NSMCE1: variants seen among roughly 807,000 people sequenced by gnomAD.
NSMCE1 encodes the protein non-structural maintenance of chromosomes element 1 homolog.
NSMCE1 carries 18 observed loss-of-function variants against 29.6 expected under a neutral mutation model. That is an observed-to-expected ratio of 0.61 (90% confidence interval 0.42 to 0.90). The LOEUF is 0.90. Ranked by LOEUF, NSMCE1 falls within the 40% of genes least tolerant of loss-of-function variation. NSMCE1 has a pLI of 0.00. For missense variants in NSMCE1, 314 were observed against 343.6 expected, an observed-to-expected ratio of 0.91 and a Z score of 0.68; for synonymous variants, 124 against 133.4, an observed-to-expected ratio of 0.93 and a Z score of 0.49.
chr16:27,259,395 A>G (rs953821812), intron 1 of NSMCE1, among the ~76,000 whole-genome samples: 4 of 151,964 alleles, frequency 2.6e-5, no homozygotes, highest in African/African-American at 9.7e-5. Context: ...TGTACTTAGC[A>G]CCCCCGTATT....
intron 1 of NSMCE1, among the ~76,000 whole-genome samples, chr16:27,262,163 G>A (rs1297470208): frequency 6.6e-6 from 1 of 151,182 alleles, no homozygotes; most frequent in Non-Finnish European, 1.5e-5. Context: ...AGAATCGCTT[G>A]AACCTGGGAG....
Position 27,225,212 on chromosome 16 carries a change from C to CT in NSMCE1, c.745dup (p.Arg249LysfsTer25). ...GTTCGATTTCAAGACACCAGACTCC[C>CT]TCTCCTTCTCAGGGTCGAAGACTTC... On this transcript the variant is annotated frameshift_variant, in exon 8 of 8. Transcript: ENST00000361439. LOFTEE classifies it high-confidence loss of function. The CT allele has an allele frequency of 1.2e-6, 2 of 1,606,996 alleles. No homozygotes were observed. The highest frequency in any genetic ancestry group is 1.7e-6 in the Non-Finnish European group (2 of 1,175,724).
chr16:27,261,413 GACAAATATC>G lies in NSMCE1; in HGVS notation c.-11-3841_-11-3833del, dbSNP rs1567285270. Among the ~76,000 whole-genome samples, 3 of 151,534 alleles carry G rather than the reference GACAAATATC, an allele frequency of 2.0e-5. No homozygotes were observed. The East Asian group carries it at 5.8e-4, about 29-fold the overall frequency. On this transcript the variant is annotated intron_variant, in intron 1 of 7. Coordinates refer to ENST00000361439, the MANE Select transcript of NSMCE1 (RefSeq NM_145080.4). ...AAAAAAGGAAATTAACTGCAAATGA[GACAAATATC>G]TGCAATTAACATACTTAAAAATATT... is the stretch of plus-strand genomic sequence containing the variant.
chr16:27,226,124 C>T (rs904702833), intron 6 of NSMCE1: 1 of 320,844 alleles, frequency 3.1e-6, no homozygotes. Context: ...CTGCAGGTGG[C>T]GTGTGGACAG....
At chr16:27,231,709 G>A (rs1030649971) in intron 5 of NSMCE1, among the ~76,000 whole-genome samples, 1 of 151,984 alleles carries the variant, frequency 6.6e-6, no homozygotes, top group African/African-American at 2.4e-5. Context: ...AACCTGAGTA[G>A]CCCTAGAACA....
intron 2 of NSMCE1, among the ~76,000 whole-genome samples, chr16:27,235,706 A>C (rs1225995005): frequency 6.6e-6 from 1 of 152,146 alleles, no homozygotes; most frequent in African/African-American, 2.4e-5. Flanking sequence ...TCGCATCCCC[A>C]GTGCCCCGCG....
At chr16:27,249,617 T>G (rs1025059707) in intron 2 of NSMCE1, among the ~76,000 whole-genome samples, 11 of 152,334 alleles carry the variant, frequency 7.2e-5, no homozygotes, top group South Asian at 4.1e-4. Flanking sequence ...CTTATTTTTT[T>G]CCCTTCATCT....
chr16:27,251,165 T>TATATATATATATATATATATATATAA (rs1329863008), intron 2 of NSMCE1, among the ~76,000 whole-genome samples: 1 of 63,096 alleles, frequency 1.6e-5, no homozygotes, highest in African/African-American at 1.9e-4. Context: ...TTAAAATATA[T>TATATATATATATATATATATATATAA]ATATATATAT....
rs781088321 is a variant in NSMCE1, at chr16:27,234,188, A to G, written c.336T>C (p.Ala112=). The part of the protein sequence containing the change: ...AENELDLFRK[A]LELIIDSETG... ...GGGCAATGGGGATTACTCTACTTAC[A>G]GCCTTTCTAAACAAATCCAGTTCAT... The change falls in exon 4 of 8, where the codon GCT becomes GCC. Residue 112 remains alanine, a splice_region_variant and synonymous_variant. Coordinates refer to ENST00000361439, the MANE Select transcript of NSMCE1 (RefSeq NM_145080.4). 3.7e-6 allele frequency: 6 copies of G among 1,606,168 alleles called. No individual in the cohort carries two copies. In the South Asian group the frequency reaches 4.4e-5, roughly 12 times the overall value.
chr16:27,247,070 A>C (rs1273960812), intron 2 of NSMCE1, among the ~76,000 whole-genome samples: 1 of 152,170 alleles, frequency 6.6e-6, no homozygotes, highest in Non-Finnish European at 1.5e-5. Context: ...GGCCAGTCTA[A>C]ACTAAGTGTA....
At chr16:27,242,821 G>T (rs1293876447) in intron 2 of NSMCE1, among the ~76,000 whole-genome samples, 2 of 152,154 alleles carry the variant, frequency 1.3e-5, no homozygotes, top group African/African-American at 2.4e-5. Flanking sequence ...ACCTTCTGTG[G>T]CGCTCTGGTC....
In NSMCE1 at chr16:27,235,254, T is replaced by A; in HGVS notation, c.182A>T (p.Asn61Ile). Residue 61 changes from asparagine to isoleucine, a missense_variant, in exon 3 of 8, where the codon AAC (asparagine) becomes ATC (isoleucine). Transcript: ENST00000361439. The stretch of plus-strand genomic sequence containing the variant: ...AATATACAAGGACTCCAAGACACTG[T>A]TAATGTTGTTGATGAAGTCCTCCAA... ...DKLEDFINNI[N>I]SVLESLYIEI... 3.1e-6 allele frequency: 5 copies of A among 1,613,562 alleles called. No homozygotes were observed. The highest frequency in any genetic ancestry group is 4.2e-6 in the Non-Finnish European group (5 of 1,179,582).
chr16:27,225,643 CCT>C (rs1338251505), intron 7 of NSMCE1, 81 bp downstream of exon 7: 2 of 1,553,526 alleles, frequency 1.3e-6, no homozygotes, highest in East Asian at 2.3e-5. Flanking sequence ...CCTTCAGGGC[CCT>C]GTCTCCAAGG....
chr16:27,257,636 C>G (rs955481993), intron 1 of NSMCE1, 55 bp from the exon 2 acceptor site: 7 of 1,444,978 alleles, frequency 4.8e-6, no homozygotes, highest in Admixed American at 2.2e-5. Context: ...AAGCAACGTC[C>G]TGGGTCTTGT....
At chr16:27,228,968 G>A (rs1269152801) in intron 5 of NSMCE1, among the ~76,000 whole-genome samples, 1 of 151,374 alleles carries the variant, frequency 6.6e-6, no homozygotes, top group Non-Finnish European at 1.5e-5. Context: ...GCTGCTCTCT[G>A]AGCCCACTCT....
intron 5 of NSMCE1, among the ~76,000 whole-genome samples, chr16:27,227,819 CTT>C (rs2083716231): frequency 7.9e-6 from 1 of 127,308 alleles, no homozygotes; most frequent in African/African-American, 3.1e-5. Context: ...GAGTTTTGCT[CTT>C]GTTGCCCAGG....
In NSMCE1 at chr16:27,227,160, C is replaced by T. The variant is rs564028005; in HGVS notation, c.484-324G>A. 4.0e-4 allele frequency among the ~76,000 whole-genome samples: 61 copies of T among 152,362 alleles called. 1 individual carries two copies. The highest frequency in any genetic ancestry group is 3.9e-3 in the East Asian group (20 of 5,190). ...GTCACAGCCCTCCTGCAGATGAGGACGCTGAGGCCCACAAGGGGGTCAGTC... is the reference window on the plus strand; with the variant it reads ...GTCACAGCCCTCCTGCAGATGAGGATGCTGAGGCCCACAAGGGGGTCAGTC... On this transcript the variant is annotated intron_variant, in intron 5 of 7. Coordinates refer to ENST00000361439, the MANE Select transcript of NSMCE1 (RefSeq NM_145080.4).
At chr16:27,233,187 G>A in intron 4 of NSMCE1, 40 bp from the exon 5 acceptor site, 1 of 1,585,996 alleles carries the variant, frequency 6.3e-7, no homozygotes, top group Non-Finnish European at 8.6e-7. Flanking sequence ...CTATTAAAAT[G>A]GCAAAAATAA....
intron 5 of NSMCE1, among the ~76,000 whole-genome samples, chr16:27,231,309 A>AG (rs2140988286): frequency 6.6e-6 from 1 of 152,362 alleles, no homozygotes; most frequent in South Asian, 2.1e-4. Flanking sequence ...AATGGGGACC[A>AG]GCCATGAAGA....
Sources: allele counts gnomAD v4.1 joint callset (sites outside exome capture counted in the v4.1 genomes callset), GRCh38; gene constraint gnomAD v4.1.1; transcripts MANE v1.5; gene names NCBI Gene and HGNC (gene_info 2026-07-23, HGNC 2026-07-21).